PDE4B: variants seen among roughly 807,000 people sequenced by gnomAD.
PDE4B encodes the protein phosphodiesterase 4B, also known as 3',5'-cyclic-AMP phosphodiesterase 4B.
PDE4B carries 20 observed loss-of-function variants against 82.2 expected under a neutral mutation model. The observed-to-expected ratio is 0.24, with a 90% confidence interval of 0.17 to 0.35. The LOEUF is 0.35. Among genes scored for constraint, PDE4B ranks in the 10% least tolerant of loss-of-function variants. The pLI, the probability that PDE4B is intolerant of heterozygous loss-of-function variation, is 1.00. For missense variants in PDE4B, 655 were observed against 907.2 expected (o/e 0.72, Z 3.57); for synonymous variants, 320 against 318.9 (o/e 1.00, Z -0.04).
At chr1:65,899,668 TTA>T (rs888862644) in intron 1 of PDE4B, among the ~76,000 whole-genome samples, 2 of 147,500 alleles carry the variant, frequency 1.4e-5, no homozygotes, top group African/African-American at 2.5e-5. Flanking sequence ...ATATTCCATT[TTA>T]TATATATATA....
At chr1:66,115,597 G>A (rs553431055) in intron 3 of PDE4B, among the ~76,000 whole-genome samples, 1 of 152,314 alleles carries the variant, frequency 6.6e-6, no homozygotes, top group East Asian at 1.9e-4. Flanking sequence ...GTCTCATATA[G>A]AATATAGAAT....
chr1:66,149,358 C>T (rs1203879979), intron 3 of PDE4B, among the ~76,000 whole-genome samples: 1 of 151,972 alleles, frequency 6.6e-6, no homozygotes, highest in Non-Finnish European at 1.5e-5. Flanking sequence ...ACAAGTATGT[C>T]TGATTATTGA....
intron 1 of PDE4B, among the ~76,000 whole-genome samples, chr1:65,908,219 G>T (rs1025427268): frequency 6.6e-6 from 1 of 152,012 alleles, no homozygotes; most frequent in Non-Finnish European, 1.5e-5. Context: ...GAATAAAGAG[G>T]GTCTCCTCTC....
Position 66,271,099 on chromosome 1 carries a change from T to C in PDE4B, c.634+5012T>C, listed in dbSNP as rs538704451. 2.6e-5 allele frequency among the ~76,000 whole-genome samples: 4 copies of C among 152,384 alleles called. No homozygotes were observed. In the South Asian group the frequency reaches 8.3e-4, roughly 32 times the overall value. ...TTTATATTGATTTGCAGTTATTTCA[T>C]ACATATCTAAAATTAAGTATTGGTA... On this transcript the variant is annotated intron_variant, in intron 7 of 16. Transcript: ENST00000341517.
chr1:66,133,360 C>T (rs1021640667), intron 3 of PDE4B, among the ~76,000 whole-genome samples: 1 of 152,134 alleles, frequency 6.6e-6, no homozygotes, highest in African/African-American at 2.4e-5. Context: ...ATTATTATTG[C>T]TTATTTATGA....
At chr1:65,956,774 GTC>G (rs1649284196) in intron 3 of PDE4B, among the ~76,000 whole-genome samples, 1 of 152,104 alleles carries the variant, frequency 6.6e-6, no homozygotes, top group Non-Finnish European at 1.5e-5. Context: ...AGAAGAGACA[GTC>G]ATTGGTGTGA....
intron 1 of PDE4B, among the ~76,000 whole-genome samples, chr1:65,863,586 G>A (rs1646478419): frequency 6.6e-6 from 1 of 152,036 alleles, no homozygotes; most frequent in African/African-American, 2.4e-5. Flanking sequence ...GTTGATCTGT[G>A]TAATATTGAC....
chr1:65,958,699 T>A (rs1224227352), intron 3 of PDE4B, among the ~76,000 whole-genome samples: 2 of 152,044 alleles, frequency 1.3e-5, no homozygotes, highest in Non-Finnish European at 2.9e-5. Context: ...GTGTCCATTT[T>A]GACTAAGTTT....
At chr1:66,145,339 C>G (rs1366408319) in intron 3 of PDE4B, among the ~76,000 whole-genome samples, 2 of 152,092 alleles carry the variant, frequency 1.3e-5, no homozygotes, top group African/African-American at 4.8e-5. Context: ...GGAAGCCAAG[C>G]AGATTTGATA....
In PDE4B at chr1:66,034,344, A is replaced by T. The variant is rs185570811; in HGVS notation, c.281+115509A>T. 5.9e-5 allele frequency among the ~76,000 whole-genome samples: 9 copies of T among 152,332 alleles called. No individual in the cohort carries two copies. The East Asian group carries it at 1.2e-3, about 20-fold the overall frequency. Reference sequence around the variant, plus strand: ...CATTTTACAGGAGAGGTTTTTTGCTATGTAAGCCACTTCTTCTTTGGACTT... The same window carrying T: ...CATTTTACAGGAGAGGTTTTTTGCTTTGTAAGCCACTTCTTCTTTGGACTT... On this transcript the variant is annotated intron_variant, in intron 3 of 16. Coordinates refer to ENST00000341517, the MANE Select transcript of PDE4B (RefSeq NM_002600.4).
rs2050835284 is a variant in PDE4B at position 66,372,905 on chromosome 1, G to C, written c.*227G>C. On this transcript the variant is annotated 3_prime_UTR_variant, in exon 17 of 17. Transcript: ENST00000341517. ...AAGCTTGGTGGAGAGGGCTGAAGCT[G>C]TTGCTGGGGGCCGATTCTGATCAAG... is the stretch of plus-strand genomic sequence containing the variant. The C allele has an allele frequency of 3.9e-6, 2 of 508,760 alleles. No individual in the cohort carries two copies. Among genetic ancestry groups the C allele is most frequent in the Admixed American group, 3.3e-5 (1 of 30,502 alleles). The allele number at this position is 508,760 out of a possible 1,614,324, so 31.5% of individuals were successfully genotyped here.
At chr1:65,998,350 T>C (rs1219992723) in intron 3 of PDE4B, among the ~76,000 whole-genome samples, 5 of 151,364 alleles carry the variant, frequency 3.3e-5, no homozygotes, top group Admixed American at 3.3e-4. Flanking sequence ...TGCCAGCAGA[T>C]TGGAGCCATT....
At chr1:66,295,471 C>CT (rs1439744362) in intron 7 of PDE4B, among the ~76,000 whole-genome samples, 2 of 152,156 alleles carry the variant, frequency 1.3e-5, no homozygotes, top group East Asian at 1.9e-4. Context: ...GAGTCTCACT[C>CT]TGTCATGAGT....
chr1:66,308,138 G>A (rs141664193), intron 7 of PDE4B, among the ~76,000 whole-genome samples: 130 of 152,232 alleles, frequency 8.5e-4, no homozygotes, highest in Admixed American at 3.4e-3. Context: ...CTGCCTTGCC[G>A]TTGCCTCCAG....
chr1:65,874,029 T>C (rs1177139008), intron 1 of PDE4B, among the ~76,000 whole-genome samples: 1 of 151,798 alleles, frequency 6.6e-6, no homozygotes, highest in East Asian at 1.9e-4. Flanking sequence ...TTTCACGATA[T>C]TGATTCTTCC....
At chr1:65,873,086 G>A (rs1646593204) in intron 1 of PDE4B, among the ~76,000 whole-genome samples, 1 of 152,150 alleles carries the variant, frequency 6.6e-6, no homozygotes, top group African/African-American at 2.4e-5. Flanking sequence ...TTCCACACGG[G>A]GAGGTAAAAC....
intron 1 of PDE4B, among the ~76,000 whole-genome samples, chr1:65,887,412 C>CTTTTTTTTTTTTTTTT (rs1285765740): frequency 1.4e-4 from 1 of 6,922 alleles, no homozygotes; most frequent in Non-Finnish European, 2.3e-4. Flanking sequence ...TCTTTTTCTT[C>CTTTTTTTTTTTTTTTT]TGTTTTTTTT....
At chr1:65,984,540 T>C (rs1650854338) in intron 3 of PDE4B, among the ~76,000 whole-genome samples, 1 of 152,094 alleles carries the variant, frequency 6.6e-6, no homozygotes, top group African/African-American at 2.4e-5. Context: ...TCAAAAAATA[T>C]ATGTTCTTGT....
chr1:66,247,596 A>T lies in PDE4B; in HGVS notation c.418A>T (p.Ser140Cys). 1 of 1,609,596 alleles carries T rather than the reference A, an allele frequency of 6.2e-7. No homozygotes were observed. Among genetic ancestry groups the T allele is most frequent in the Non-Finnish European group, 8.5e-7 (1 of 1,177,734 alleles). ...RRESFLYRSD[S>C]DYDLSPKAMS... Reference sequence around the variant, plus strand: ...AGAGTCATTTCTCTACAGATCAGACAGCGACTATGACTTGTCACCAAAGGC... The same window carrying T: ...AGAGTCATTTCTCTACAGATCAGACTGCGACTATGACTTGTCACCAAAGGC... The change falls in exon 4 of 17, where the codon AGC (serine) becomes TGC (cysteine). Residue 140 changes from serine (S) to cysteine (C), a missense_variant. Coordinates refer to ENST00000341517, the MANE Select transcript of PDE4B (RefSeq NM_002600.4).
Sources: allele counts gnomAD v4.1 joint callset (sites outside exome capture counted in the v4.1 genomes callset), GRCh38; gene constraint gnomAD v4.1.1; transcripts MANE v1.5; gene names NCBI Gene and HGNC (gene_info 2026-07-23, HGNC 2026-07-21).